RARB: variants seen among roughly 807,000 people sequenced by gnomAD.
RARB encodes the protein retinoic acid receptor beta, also known as HBV-activated protein.
RARB carries 17 observed loss-of-function variants against 51.9 expected under a neutral mutation model. The ratio of observed to expected loss-of-function variants is 0.33; its 90% confidence interval spans 0.22 to 0.49. RARB has a LOEUF of 0.49. Among genes scored for constraint, RARB ranks in the 20% least tolerant of loss-of-function variants. The pLI is 0.99. For missense variants in RARB, 369 were observed against 550.8 expected, an observed-to-expected ratio of 0.67 and a Z score of 3.30; for synonymous variants, 215 against 195.4, an observed-to-expected ratio of 1.10 and a Z score of -0.84.
intron 5 of RARB, among the ~76,000 whole-genome samples, chr3:25,403,243 A>G (rs972817153): frequency 1.3e-5 from 2 of 152,036 alleles, no homozygotes; most frequent in Non-Finnish European, 1.5e-5. Flanking sequence ...TCCATTGTAC[A>G]TTTTAAAATA....
rs531251664 is a variant in RARB at position 25,516,666 on chromosome 3, G to A, written c.448+15343G>A. 3.7e-4 allele frequency among the ~76,000 whole-genome samples: 51 copies of A among 139,304 alleles called. No homozygotes were observed. The East Asian group carries it at 5.3e-3, about 14-fold the overall frequency. The allele number at this position is 139,304 out of a possible 152,430, so 91.4% of individuals were successfully genotyped here. ...TTTTGAGACAGGGTCACACTCTGTC[G>A]TCCAGGCTGGAGTGCAGTGATGCAA... is the stretch of plus-strand genomic sequence containing the variant. On this transcript the variant is annotated intron_variant, in intron 3 of 7. Coordinates refer to ENST00000330688, the MANE Select transcript of RARB (RefSeq NM_000965.5).
chr3:25,043,378 A>G (rs1209978041), intron 2 of RARB, among the ~76,000 whole-genome samples: 1 of 152,240 alleles, frequency 6.6e-6, no homozygotes, highest in Non-Finnish European at 1.5e-5. Context: ...TATTAATAGT[A>G]ATAAATACAC....
chr3:24,978,638 A>C (rs1478294698), intron 2 of RARB, among the ~76,000 whole-genome samples: 1 of 151,022 alleles, frequency 6.6e-6, no homozygotes, highest in African/African-American at 2.4e-5. Context: ...TATTTGATTC[A>C]TCTCTCTTTT....
At chr3:24,953,490 A>C (rs977834803) in intron 2 of RARB, among the ~76,000 whole-genome samples, 1 of 152,140 alleles carries the variant, frequency 6.6e-6, no homozygotes, top group Non-Finnish European at 1.5e-5. Context: ...AGGACTGAGC[A>C]CTTTCTTACA....
intron 1 of RARB, among the ~76,000 whole-genome samples, chr3:25,434,654 G>T (rs555659324): frequency 2.9e-4 from 44 of 149,922 alleles, no homozygotes; most frequent in African/African-American, 1.1e-3. Context: ...TGATTCTCCT[G>T]CCTCAGCCTC....
At chr3:25,056,965 G>A (rs1480167873) in intron 2 of RARB, among the ~76,000 whole-genome samples, 2 of 152,066 alleles carry the variant, frequency 1.3e-5, no homozygotes, top group Non-Finnish European at 2.9e-5. Flanking sequence ...TATGGTTAGT[G>A]TATGAGCCTT....
Position 25,158,977 on chromosome 3 carries a change from C to T in RARB, c.-279-15142C>T, listed in dbSNP as rs77243314. Among the ~76,000 whole-genome samples the T allele has an allele frequency of 2.0e-3, 310 of 152,006 alleles. 2 individuals carry two copies. The highest frequency in any genetic ancestry group is 0.018 in the East Asian group (95 of 5,146). On this transcript the variant is annotated intron_variant, in intron 4 of 11. Coordinates refer to the RARB transcript ENST00000383772. ...GAAGTGGCAGACATCACATCACCCA[C>T]GTTCTACAGGCCAGAGCTCGGTCTT...
intron 5 of RARB, among the ~76,000 whole-genome samples, chr3:25,301,938 G>A (rs955795830): frequency 6.6e-6 from 1 of 152,194 alleles, no homozygotes; most frequent in Non-Finnish European, 1.5e-5. Context: ...GACCTAGCAG[G>A]AGAAAAGGAC....
At position 25,453,334 on chromosome 3, in the gene RARB, G is replaced by A. The variant is rs568923598; in HGVS notation, c.158-7859G>A. The stretch of plus-strand genomic sequence containing the variant: ...ACGATCTCGGCTCACTGCAACCTCC[G>A]CCTCCCGGGTTCAAGCGATTCTCCT... On this transcript the variant is annotated intron_variant, in intron 1 of 7. Coordinates refer to ENST00000330688, the MANE Select transcript of RARB (RefSeq NM_000965.5). Among the ~76,000 whole-genome samples the A allele has an allele frequency of 9.4e-5, 13 of 137,958 alleles. No homozygotes were observed. The East Asian group carries it at 2.6e-3, about 27-fold the overall frequency. The allele number at this position is 137,958 out of a possible 152,430, so 90.5% of individuals were successfully genotyped here. A position where few individuals can be genotyped will look rare whatever the true frequency, so the allele number is the denominator to read the frequency against.
chr3:25,274,485 T>C (rs1703331817), intron 5 of RARB, among the ~76,000 whole-genome samples: 1 of 152,136 alleles, frequency 6.6e-6, no homozygotes. Context: ...CAGGAAGGCC[T>C]CTCCTACTCG....
intron 5 of RARB, among the ~76,000 whole-genome samples, chr3:25,348,958 G>C (rs1356983263): frequency 1.3e-5 from 2 of 152,318 alleles, no homozygotes; most frequent in Middle Eastern, 3.4e-3. Flanking sequence ...GCATCTTGAA[G>C]ACTCCCCAGG....
At chr3:25,580,838 C>G in intron 5 of RARB, 116 bp downstream of exon 5, 3 of 1,166,476 alleles carry the variant, frequency 2.6e-6, no homozygotes, top group Non-Finnish European at 3.5e-6. Context: ...AGTTTCGACT[C>G]TAGCACTCAC....
intron 5 of RARB, among the ~76,000 whole-genome samples, chr3:25,416,954 AC>A (rs1156678413): frequency 6.6e-6 from 1 of 152,176 alleles, no homozygotes. Context: ...GCTCTGGCTC[AC>A]CAACTTAGTT....
chr3:25,175,116 C>T (rs1483899798), intron 5 of RARB, among the ~76,000 whole-genome samples: 1 of 152,144 alleles, frequency 6.6e-6, no homozygotes, highest in Non-Finnish European at 1.5e-5. Context: ...CTAGCTATTT[C>T]TTATCCCAGA....
intron 3 of RARB, among the ~76,000 whole-genome samples, chr3:25,561,768 G>C (rs527690964): frequency 2.0e-5 from 3 of 152,288 alleles, no homozygotes; most frequent in African/African-American, 4.8e-5. Context: ...CAGTAGAAAT[G>C]AAAGATCCGG....
chr3:25,517,955 A>G (rs1698240380), intron 3 of RARB, among the ~76,000 whole-genome samples: 1 of 152,188 alleles, frequency 6.6e-6, no homozygotes, highest in Admixed American at 6.6e-5. Flanking sequence ...ATCCATAGAA[A>G]CACAAAGTAA....
In RARB at chr3:25,518,389, T is replaced by G. The variant is rs1040526115; in HGVS notation, c.448+17066T>G. Among the ~76,000 whole-genome samples the G allele has an allele frequency of 4.6e-5, 7 of 152,148 alleles. No homozygotes were observed. In the East Asian group the frequency reaches 5.8e-4, roughly 13 times the overall value. ...TCACAGATTTTCTAGATACTGATGT[T>G]TGAGATGAATGTTTCCCACAGGTCT... is the stretch of plus-strand genomic sequence containing the variant. On this transcript the variant is annotated intron_variant, in intron 3 of 7. Transcript: ENST00000330688.
chr3:24,860,753 A>C (rs1299822610), intron 2 of RARB, among the ~76,000 whole-genome samples: 1 of 152,222 alleles, frequency 6.6e-6, no homozygotes, highest in Non-Finnish European at 1.5e-5. Context: ...AAAGGAAAGC[A>C]TAACTTGTGT....
At chr3:25,240,268 T>C (rs1463099747) in intron 5 of RARB, among the ~76,000 whole-genome samples, 1 of 152,154 alleles carries the variant, frequency 6.6e-6, no homozygotes, top group Non-Finnish European at 1.5e-5. Flanking sequence ...TGATGTTCTC[T>C]GAAGAAAAGG....
Sources: gnomAD v4.1 joint callset for allele counts (sites outside exome capture counted in the v4.1 genomes callset) on GRCh38, gnomAD v4.1.1 for gene constraint, MANE v1.5 for transcripts, NCBI Gene and HGNC (gene_info 2026-07-23, HGNC 2026-07-21) for gene names.